PLCG2: variants seen among roughly 807,000 people sequenced by gnomAD.
The protein encoded by PLCG2 is phospholipase C gamma 2.
A neutral mutation model predicts 175.6 loss-of-function variants in PLCG2; 69 were observed. The observed-to-expected ratio is 0.39, with a 90% CI of 0.32 to 0.48. PLCG2 has a LOEUF of 0.48. Ranked by LOEUF, PLCG2 falls within the 20% of genes least tolerant of loss-of-function variation. The pLI is 0.91. For synonymous variants in PLCG2, 827 were observed against 624.0 expected (o/e 1.33, Z -4.85); for missense variants, 1,798 against 1,650.9 (o/e 1.09, Z -1.54).
At chr16:81,849,284 T>C (rs1317674971) in intron 2 of PLCG2, among the ~76,000 whole-genome samples, 1 of 152,170 alleles carries the variant, frequency 6.6e-6, no homozygotes, top group Non-Finnish European at 1.5e-5. Flanking sequence ...TAATGGTGGC[T>C]TGGATTGTGG....
chr16:81,919,923 GC>G (rs1355045205), intron 20 of PLCG2, among the ~76,000 whole-genome samples: 1 of 152,184 alleles, frequency 6.6e-6, no homozygotes, highest in Non-Finnish European at 1.5e-5. Context: ...AAAACACTGG[GC>G]AGGTGGATAA....
chr16:81,837,236 G>T (rs1905565864), intron 2 of PLCG2, among the ~76,000 whole-genome samples: 1 of 152,244 alleles, frequency 6.6e-6, no homozygotes, highest in African/African-American at 2.4e-5. Flanking sequence ...ATGAAAGGCT[G>T]TTGTTGAAAG....
intron 29 of PLCG2, 72 bp from the exon 30 acceptor site, chr16:81,939,820 G>A: frequency 1.0e-6 from 1 of 972,228 alleles, no homozygotes; most frequent in Admixed American, 1.9e-5. Flanking sequence ...CACAGCTGAA[G>A]GATGCGGAGA....
intron 7 of PLCG2, among the ~76,000 whole-genome samples, chr16:81,875,974 G>C (rs1043152312): frequency 2.6e-5 from 4 of 151,574 alleles, no homozygotes; most frequent in Non-Finnish European, 4.4e-5. Context: ...GTCCACAGTG[G>C]AGAAGTTAGA....
intron 7 of PLCG2, among the ~76,000 whole-genome samples, chr16:81,873,187 T>A (rs1223332776): frequency 6.6e-6 from 1 of 152,204 alleles, no homozygotes; most frequent in African/African-American, 2.4e-5. Flanking sequence ...GACCAAGTAA[T>A]GTTGGGGGAA....
At position 81,937,885 on chromosome 16, in the gene PLCG2, G is replaced by T; in HGVS notation, c.3180G>T (p.Leu1060=). ...PMPPESQRKI[L]MTLTVKVLGA... The stretch of plus-strand genomic sequence containing the variant: ...CACCCGAGTCCCAGAGGAAGATCCT[G>T]ATGACGCTGACAGTCAAGGTAAAGC... Residue 1060 remains leucine (L), a synonymous_variant, in exon 28 of 33, where the codon CTG becomes CTT. Transcript: ENST00000564138. 1 of 1,614,114 alleles carries T rather than the reference G, an allele frequency of 6.2e-7. No individual in the cohort carries two copies. The highest frequency in any genetic ancestry group is 8.5e-7 in the Non-Finnish European group (1 of 1,179,994).
chr16:81,754,633 T>G, intron 1 of PLCG2, among the ~76,000 whole-genome samples: 1 of 150,844 alleles, frequency 6.6e-6, no homozygotes, highest in South Asian at 2.1e-4. Context: ...AATACTTGCT[T>G]TAGTGAATGA....
At chr16:81,914,047 C>G (rs1004882509) in intron 19 of PLCG2, among the ~76,000 whole-genome samples, 2 of 152,242 alleles carry the variant, frequency 1.3e-5, no homozygotes, top group Non-Finnish European at 2.9e-5. Flanking sequence ...GCTCTTTCCC[C>G]TAAGCCTCTT....
intron 1 of PLCG2, among the ~76,000 whole-genome samples, chr16:81,739,889 G>C (rs895014882): frequency 2.6e-5 from 4 of 152,318 alleles, no homozygotes; most frequent in Admixed American, 2.6e-4. Context: ...TGTAATCCCA[G>C]CGCTTTGGGA....
Position 81,895,801 on chromosome 16 carries a change from C to G in PLCG2, c.1073-6C>G, listed in dbSNP as rs778482180. 1.2e-6 allele frequency: 2 copies of G among 1,614,062 alleles called. No individual in the cohort carries two copies. The highest frequency in any genetic ancestry group is 1.7e-6 in the Non-Finnish European group (2 of 1,179,992). Reference sequence around the variant, plus strand: ...GGTATTGAGGCTGCCGCGTTTCTCCCTGTAGTGGACTGCTGGGACGGGCCC... The same window carrying G: ...GGTATTGAGGCTGCCGCGTTTCTCCGTGTAGTGGACTGCTGGGACGGGCCC... On this transcript the variant is annotated splice_polypyrimidine_tract_variant and splice_region_variant and intron_variant, in intron 12 of 32. Coordinates refer to ENST00000564138, the MANE Select transcript of PLCG2 (RefSeq NM_002661.5).
intron 2 of PLCG2, among the ~76,000 whole-genome samples, chr16:81,803,663 CCCTT>C (rs1186528094): frequency 4.0e-4 from 12 of 29,742 alleles, no homozygotes; most frequent in South Asian, 1.4e-3. Flanking sequence ...CTCCCTCCCT[CCCTT>C]CCTTCCTTCC....
intron 2 of PLCG2, among the ~76,000 whole-genome samples, chr16:81,760,084 C>G (rs562012843): frequency 6.6e-6 from 1 of 152,224 alleles, no homozygotes; most frequent in Non-Finnish European, 1.5e-5. Context: ...CGAGATCGCG[C>G]CACTGCTCAT....
At chr16:81,863,563 C>T (rs977953403) in intron 5 of PLCG2, among the ~76,000 whole-genome samples, 6 of 152,160 alleles carry the variant, frequency 3.9e-5, no homozygotes, top group Non-Finnish European at 2.9e-5. Flanking sequence ...TGTATATATC[C>T]AGAAGCTGAA....
At chr16:81,797,699 G>A (rs1054687715) in intron 2 of PLCG2, among the ~76,000 whole-genome samples, 2 of 152,232 alleles carry the variant, frequency 1.3e-5, no homozygotes, top group African/African-American at 4.8e-5. Flanking sequence ...AGTATCTGGG[G>A]TTGAGATAGG....
chr16:81,905,256 A>G, intron 14 of PLCG2, 147 bp from the exon 15 acceptor site: 1 of 615,772 alleles, frequency 1.6e-6, no homozygotes, highest in Non-Finnish European at 2.9e-6. Flanking sequence ...CCTGGAGGGC[A>G]GAGCTGAACA....
At chr16:81,803,655 CCCTCCCTCCCTT>C (rs1260629577) in intron 2 of PLCG2, among the ~76,000 whole-genome samples, 19 of 74,676 alleles carry the variant, frequency 2.5e-4, no homozygotes, top group Admixed American at 4.4e-4. Flanking sequence ...CTCCCTCCCT[CCCTCCCTCCCTT>C]CCTTCCTTCC....
chr16:81,761,615 A>C (rs77324185), intron 2 of PLCG2, among the ~76,000 whole-genome samples: 2,357 of 152,238 alleles, frequency 0.015, 63 homozygotes, highest in African/African-American at 0.053. Flanking sequence ...ATGGGGATCA[A>C]AATAGAACAC....
At chr16:81,862,039 G>A (rs967530924) in intron 5 of PLCG2, among the ~76,000 whole-genome samples, 5 of 152,244 alleles carry the variant, frequency 3.3e-5, no homozygotes, top group Admixed American at 6.5e-5. Flanking sequence ...CACCTTTCCT[G>A]TGGTTCTGGG....
intron 7 of PLCG2, among the ~76,000 whole-genome samples, chr16:81,873,424 T>C (rs1051227336): frequency 2.6e-5 from 4 of 152,228 alleles, no homozygotes; most frequent in African/African-American, 9.6e-5. Flanking sequence ...TCATTGAACA[T>C]AGAACATGTC....
Sources: gnomAD v4.1 joint callset for allele counts (sites outside exome capture counted in the v4.1 genomes callset) on GRCh38, gnomAD v4.1.1 for gene constraint, MANE v1.5 for transcripts, NCBI Gene and HGNC (gene_info 2026-07-23, HGNC 2026-07-21) for gene names.